The following TRNAU1AP variants were observed in gnomAD, a reference collection of about 807,000 sequenced individuals.
TRNAU1AP encodes the protein tRNA selenocysteine 1-associated protein 1.
A neutral mutation model predicts 43.3 loss-of-function variants in TRNAU1AP; 33 were observed. The ratio of observed to expected loss-of-function variants is 0.76; its 90% CI spans 0.58 to 1.02. The LOEUF is 1.02. Among genes scored for constraint, TRNAU1AP ranks in the 50% least tolerant of loss-of-function variants. The pLI is 0.00. For synonymous variants in TRNAU1AP, 143 were observed against 129.1 expected (o/e 1.11, Z -0.73); for missense variants, 290 against 362.7 (o/e 0.80, Z 1.63).
At position 28,564,836 on chromosome 1, in the gene TRNAU1AP, T is replaced by G; in HGVS notation, c.410+2T>G. On this transcript the variant is annotated splice_donor_variant, in intron 5 of 8. Transcript: ENST00000373830. LOFTEE classifies it high-confidence loss of function. ...TTTGGACCAGACAGGCGTGTCTAAG[T>G]AAGGCCTTACTTGTTACTGATGCTT... The G allele has an allele frequency of 6.2e-7, 1 of 1,614,038 alleles. No individual in the cohort carries two copies. Among genetic ancestry groups the G allele is most frequent in the Non-Finnish European group, 8.5e-7 (1 of 1,179,976 alleles).
chr1:28,556,180 G>T (rs1315792923), intron 2 of TRNAU1AP, among the ~76,000 whole-genome samples: 1 of 151,854 alleles, frequency 6.6e-6, no homozygotes, highest in Non-Finnish European at 1.5e-5. Context: ...CACTGGCATA[G>T]GCTGGGCACG....
chr1:28,560,251 C>T (rs1318987663), intron 2 of TRNAU1AP, among the ~76,000 whole-genome samples: 1 of 151,178 alleles, frequency 6.6e-6, no homozygotes, highest in African/African-American at 2.4e-5. Flanking sequence ...ATTTCTTTCT[C>T]CCTTCAAGGC....
In TRNAU1AP at chr1:28,566,019, G is replaced by T. The variant is rs146997219; in HGVS notation, c.410+1185G>T. ...AGACAGTTTGATTAGATCACCCTGA[G>T]AAAATGCTCAGCACAGGCTGGGTGC... On this transcript the variant is annotated intron_variant, in intron 5 of 8. Coordinates refer to ENST00000373830, the MANE Select transcript of TRNAU1AP (RefSeq NM_017846.5). Among the ~76,000 whole-genome samples, 597 of 152,094 alleles carry T rather than the reference G, an allele frequency of 3.9e-3. 7 individuals are homozygous for T. Among genetic ancestry groups the T allele is most frequent in the Non-Finnish European group, 5.1e-3 (347 of 67,988 alleles).
chr1:28,575,156 CT>C (rs928235735), intron 8 of TRNAU1AP, among the ~76,000 whole-genome samples: 4 of 151,904 alleles, frequency 2.6e-5, no homozygotes, highest in African/African-American at 9.7e-5. Flanking sequence ...CTTTTTAATC[CT>C]TTTTTTGTTT....
Position 28,575,243 on chromosome 1 carries a change from C to T in TRNAU1AP, c.728-2257C>T, listed in dbSNP as rs189271156. 4.1e-4 allele frequency among the ~76,000 whole-genome samples: 63 copies of T among 152,078 alleles called. 1 individual carries two copies. The highest frequency in any genetic ancestry group is 8.4e-4 in the Non-Finnish European group (57 of 67,986). On this transcript the variant is annotated intron_variant, in intron 8 of 8. Coordinates refer to ENST00000373830, the MANE Select transcript of TRNAU1AP (RefSeq NM_017846.5). The stretch of plus-strand genomic sequence containing the variant: ...GATCTCGACCCACTGTAACCTCTGC[C>T]TCACAGGTTCAAGCGATTCCCCTGC...
chr1:28,553,338 C>G, intron 1 of TRNAU1AP: 1 of 682,634 alleles, frequency 1.5e-6, no homozygotes. Context: ...TGGGGCCCCA[C>G]CTGGGTTCGT....
rs568962694 is a variant in TRNAU1AP, at chr1:28,575,475, T to G, written c.728-2025T>G. 3.8e-3 allele frequency among the ~76,000 whole-genome samples: 576 copies of G among 151,390 alleles called. 4 individuals are homozygous for G. Among genetic ancestry groups the G allele is most frequent in the African/African-American group, 0.013 (527 of 41,290 alleles). Reference sequence around the variant, plus strand: ...CCAATGTTTTTTTTTGTTTTTTTTTTTTTTGAGACGGTGTCTCACTCTTGT... The same window carrying G: ...CCAATGTTTTTTTTTGTTTTTTTTTGTTTTGAGACGGTGTCTCACTCTTGT... On this transcript the variant is annotated intron_variant, in intron 8 of 8. Coordinates refer to ENST00000373830, the MANE Select transcript of TRNAU1AP (RefSeq NM_017846.5).
In TRNAU1AP at chr1:28,560,651, CT is replaced by C. The variant is rs1665385552; in HGVS notation, c.147del (p.Phe49LeufsTer2). 1 of 1,613,828 alleles carries C rather than the reference CT, an allele frequency of 6.2e-7. No individual in the cohort carries two copies. The highest frequency in any genetic ancestry group is 1.3e-5 in the African/African-American group (1 of 74,876). On this transcript the variant is annotated frameshift_variant, in exon 3 of 9. Transcript: ENST00000373830. LOFTEE classifies it high-confidence loss of function. ...TTTCCAGGATCCCAGCTGGCTACTG[CT>C]TTGTAGAATTTGCAGATTTGGCCAC... ...RLTGIPAGYC[F>X]VEFADLATAE...
At chr1:28,561,450 C>A in intron 4 of TRNAU1AP, 52 bp downstream of exon 4, 1 of 1,605,230 alleles carries the variant, frequency 6.2e-7, no homozygotes, top group South Asian at 1.1e-5. Context: ...CTGTGCCTGT[C>A]ACTGCCATAT....
chr1:28,569,028 C>G (rs930482038), intron 6 of TRNAU1AP, among the ~76,000 whole-genome samples: 1 of 152,096 alleles, frequency 6.6e-6, no homozygotes, highest in Admixed American at 6.6e-5. Context: ...TCAGGCTGGT[C>G]TTGAACTTCT....
At chr1:28,569,363 C>T (rs61786001) in intron 6 of TRNAU1AP, among the ~76,000 whole-genome samples, 6,701 of 152,186 alleles carry the variant, frequency 0.044, 205 homozygotes, top group Non-Finnish European at 0.071. Context: ...CCACTGCACT[C>T]TAGCCCAGGC....
chr1:28,566,729 A>G (rs1278783833), intron 5 of TRNAU1AP, among the ~76,000 whole-genome samples: 4 of 151,574 alleles, frequency 2.6e-5, no homozygotes, highest in Admixed American at 2.0e-4. Flanking sequence ...ATTGCACTCC[A>G]GCCTGGGCAA....
At chr1:28,573,059 G>T (rs1380203279) in intron 8 of TRNAU1AP, among the ~76,000 whole-genome samples, 16 of 130,448 alleles carry the variant, frequency 1.2e-4, no homozygotes, top group African/African-American at 4.7e-4. Flanking sequence ...TTTTGAGGCA[G>T]AGTCTTGCTG....
chr1:28,561,074 G>T, intron 3 of TRNAU1AP: 2 of 1,364,106 alleles, frequency 1.5e-6, no homozygotes, highest in South Asian at 3.2e-5. Context: ...CAGCAGCAAG[G>T]ACACATTTCA....
In TRNAU1AP at chr1:28,577,755, A is replaced by G; in HGVS notation, c.*119A>G. The G allele has an allele frequency of 8.6e-7, 1 of 1,165,030 alleles. No homozygotes were observed. The highest frequency in any genetic ancestry group is 1.2e-6 in the Non-Finnish European group (1 of 822,950). The allele number at this position is 1,165,030 out of a possible 1,614,324, so 72.2% of individuals were successfully genotyped here. ...AGATTTTAATAATGACTGTTTTTGG[A>G]GATCATGAATGTTTCTACAACACTG... is the stretch of plus-strand genomic sequence containing the variant. On this transcript the variant is annotated 3_prime_UTR_variant, in exon 9 of 9. Coordinates refer to ENST00000373830, the MANE Select transcript of TRNAU1AP (RefSeq NM_017846.5).
chr1:28,577,496 C>G lies in TRNAU1AP; in HGVS notation c.728-4C>G. 3.7e-6 allele frequency: 6 copies of G among 1,613,660 alleles called. No individual in the cohort carries two copies. The highest frequency in any genetic ancestry group is 5.1e-6 in the Non-Finnish European group (6 of 1,179,822). Reference sequence around the variant, plus strand: ...CCCTGACCCCATCCTTGCTTGCTTTCCAGACCCCATGCCACAGCTGGATGT... The same window carrying G: ...CCCTGACCCCATCCTTGCTTGCTTTGCAGACCCCATGCCACAGCTGGATGT... On this transcript the variant is annotated splice_region_variant and splice_polypyrimidine_tract_variant and intron_variant, in intron 8 of 8. Coordinates refer to ENST00000373830, the MANE Select transcript of TRNAU1AP (RefSeq NM_017846.5).
At chr1:28,557,353 G>C (rs939033637) in intron 2 of TRNAU1AP, among the ~76,000 whole-genome samples, 1 of 151,428 alleles carries the variant, frequency 6.6e-6, no homozygotes, top group Non-Finnish European at 1.5e-5. Context: ...CCGGGAGGTG[G>C]AGCTTGCAGC....
At chr1:28,556,939 A>G (rs147756775) in intron 2 of TRNAU1AP, among the ~76,000 whole-genome samples, 5,883 of 151,028 alleles carry the variant, frequency 0.039, 369 homozygotes, top group African/African-American at 0.14. Context: ...AGCCTCCCAA[A>G]GTGCTGGGAT....
rs1258216656 is a variant in TRNAU1AP, at chr1:28,576,850, C to T, written c.728-650C>T. On this transcript the variant is annotated intron_variant, in intron 8 of 8. Coordinates refer to ENST00000373830, the MANE Select transcript of TRNAU1AP (RefSeq NM_017846.5). ...CCGACTTCTGGTGATCTGCCCGCCT[C>T]GACCTGCTGAAGTGCTGGGATTATG... Among the ~76,000 whole-genome samples the T allele has an allele frequency of 5.3e-5, 8 of 152,264 alleles. 1 individual carries two copies. The highest frequency in any genetic ancestry group is 1.9e-4 in the African/African-American group (8 of 41,546).
Sources: allele counts gnomAD v4.1 joint callset (sites outside exome capture counted in the v4.1 genomes callset), GRCh38; gene constraint gnomAD v4.1.1; transcripts MANE v1.5; gene names NCBI Gene and HGNC (gene_info 2026-07-23, HGNC 2026-07-21).